Variants in HYKK observed in about 807,000 individuals in gnomAD.
HYKK encodes the protein 5-hydroxy-L-lysine kinase.
In HYKK, 19 loss-of-function variants were observed where a neutral mutation model predicts 29.7. That is an observed-to-expected ratio of 0.64 (90% CI 0.45 to 0.94). The LOEUF (loss-of-function observed/expected upper bound fraction) is 0.94. Ranked by LOEUF, HYKK falls within the 40% of genes least tolerant of loss-of-function variation. The probability of loss-of-function intolerance (pLI) is 0.00; values close to 1 mark genes in which losing one functional copy is unlikely to be tolerated. For missense variants in HYKK, 390 were observed against 443.4 expected, an observed-to-expected ratio of 0.88 and a Z score of 1.08; for synonymous variants, 152 against 158.1, an observed-to-expected ratio of 0.96 and a Z score of 0.29.
In HYKK at chr15:78,514,974, G is replaced by A; in HGVS notation, c.344G>A (p.Gly115Asp). The change falls in exon 3 of 5, where the codon GGC (glycine) becomes GAC (aspartate). Residue 115 changes from glycine (G) to aspartate (D), a missense_variant. Coordinates refer to ENST00000388988, the MANE Select transcript of HYKK (RefSeq NM_001013619.4). ...NTASLVSVDS[G>D]SEIKSYLVRL... is the part of the protein sequence containing the mutation. Reference sequence around the variant, plus strand: ...TTTTATTCCATCCATTTAGATAGTGGCTCTGAAATCAAAAGCTACTTGGTG... The same window carrying A: ...TTTTATTCCATCCATTTAGATAGTGACTCTGAAATCAAAAGCTACTTGGTG... 1 of 1,526,086 alleles carries A rather than the reference G, an allele frequency of 6.6e-7. No individual in the cohort carries two copies. Among genetic ancestry groups the A allele is most frequent in the Admixed American group, 1.9e-5 (1 of 52,662 alleles). The allele number at this position is 1,526,086 out of a possible 1,614,324, so 94.5% of individuals were successfully genotyped here.
At chr15:78,525,392 G>A (rs983898483) in intron 3 of HYKK, among the ~76,000 whole-genome samples, 2 of 151,612 alleles carry the variant, frequency 1.3e-5, no homozygotes, top group African/African-American at 2.4e-5. Context: ...TCCTGACCTC[G>A]TGATCTGCCC....
chr15:78,527,416 G>A lies in HYKK; in HGVS notation c.514G>A (p.Glu172Lys), dbSNP rs749949586. The A allele has an allele frequency of 1.9e-6, 3 of 1,613,992 alleles. No individual in the cohort carries two copies. The highest frequency in any genetic ancestry group is 1.1e-5 in the South Asian group (1 of 91,074). The change falls in exon 4 of 5, where the codon GAG becomes AAG. Residue 172 changes from glutamate to lysine, a missense_variant. Physicochemically the swap from Glu to Lys is moderately conservative, Grantham distance 56. Coordinates refer to ENST00000388988, the MANE Select transcript of HYKK (RefSeq NM_001013619.4). ...CCCAAAGTTAAGTAGTCTTCATCGG[G>A]AGAACTTCATCTGGAATCTGAAAAA... Reference protein sequence around the residue: ...HHPKLSSLHRENFIWNLKNVP... With the variant: ...HHPKLSSLHRKNFIWNLKNVP...
chr15:78,532,106 T>C (rs16969931), intron 4 of HYKK, among the ~76,000 whole-genome samples: 4,187 of 152,280 alleles, frequency 0.027, 199 homozygotes, highest in African/African-American at 0.094. Context: ...GTTGGTGGCT[T>C]AAATCCGTGC....
rs56976898 is a variant in HYKK, at chr15:78,528,367, T to C, written c.661+804T>C. On this transcript the variant is annotated intron_variant, in intron 4 of 4. Coordinates refer to ENST00000388988, the MANE Select transcript of HYKK (RefSeq NM_001013619.4). ...CTGTCCATGGAAAAATTGTCTTCCA[T>C]GAAACCAGTCCCTGATGCCAAAAAG... is the stretch of plus-strand genomic sequence containing the variant. 1.0e-2 allele frequency: 9,584 copies of C among 959,584 alleles called. 705 individuals are homozygous for C. The African/African-American group carries it at 0.15, about 15-fold the overall frequency. The allele number at this position is 959,584 out of a possible 1,614,324, so 59.4% of individuals were successfully genotyped here. A position where few individuals can be genotyped will look rare whatever the true frequency, so the allele number is the denominator to read the frequency against.
At position 78,527,525 on chromosome 15, in the gene HYKK, A is replaced by G. The variant is rs768049573; in HGVS notation, c.623A>G (p.Lys208Arg). The change falls in exon 4 of 5, where the codon AAG becomes AGG. Residue 208 changes from lysine (K) to arginine (R), a missense_variant. Lys to Arg is a conservative substitution (Grantham distance 26). Transcript: ENST00000388988. ...GTTGAGCATGTCATTCATCTGTTCA[A>G]GGAGGAAGTAATGACCAAATTAAGT... Reference protein sequence around the residue: ...EIVEHVIHLFKEEVMTKLSHF... With the variant: ...EIVEHVIHLFREEVMTKLSHF... 54 of 1,614,066 alleles carry G rather than the reference A, an allele frequency of 3.3e-5. No individual in the cohort carries two copies. The highest frequency in any genetic ancestry group is 4.3e-5 in the Non-Finnish European group (51 of 1,180,034).
chr15:78,523,776 A>C (rs1364207336), intron 3 of HYKK, among the ~76,000 whole-genome samples: 3 of 152,346 alleles, frequency 2.0e-5, no homozygotes, highest in Non-Finnish European at 4.4e-5. Flanking sequence ...AAATCAGCCA[A>C]AAGAAGGGAC....
rs768195905 is a variant in HYKK, at chr15:78,513,321, T to C, written c.233T>C (p.Ile78Thr). 7 of 1,614,050 alleles carry C rather than the reference T, an allele frequency of 4.3e-6. No individual in the cohort carries two copies. The highest frequency in any genetic ancestry group is 1.7e-5 in the Admixed American group (1 of 59,992). The change falls in exon 2 of 5, where the codon ATT becomes ACT. Residue 78 changes from isoleucine (I) to threonine (T), a missense_variant. By Grantham distance (89) the Ile-to-Thr change is moderately conservative. Transcript: ENST00000388988. ...AAGGCTAGCAAAAATCCAGACCTGA[T>C]TGAAGTGCAGAATCACATCATCATG... ...NTKASKNPDL[I>T]EVQNHIIMFL...
chr15:78,520,411 G>T (rs1486922092), intron 3 of HYKK, among the ~76,000 whole-genome samples: 1 of 152,068 alleles, frequency 6.6e-6, no homozygotes, highest in Admixed American at 6.6e-5. Flanking sequence ...GTGTCCCTGG[G>T]TACTTAAGAT....
At chr15:78,524,078 G>A (rs1810435482) in intron 3 of HYKK, among the ~76,000 whole-genome samples, 1 of 152,238 alleles carries the variant, frequency 6.6e-6, no homozygotes, top group African/African-American at 2.4e-5. Context: ...AGCTTCACTA[G>A]GCAGTACCCC....
chr15:78,529,633 C>G (rs981556469), intron 4 of HYKK, among the ~76,000 whole-genome samples: 1 of 152,186 alleles, frequency 6.6e-6, no homozygotes, highest in Admixed American at 6.5e-5. Flanking sequence ...ATCCATCTCT[C>G]TATTTATTGG....
chr15:78,516,935 T>A (rs2052139474), intron 3 of HYKK, among the ~76,000 whole-genome samples: 1 of 151,564 alleles, frequency 6.6e-6, no homozygotes, highest in Non-Finnish European at 1.5e-5. Flanking sequence ...GGTGGGAGGA[T>A]CACCTGAGCC....
chr15:78,510,915 A>G (rs938127319), intron 1 of HYKK, among the ~76,000 whole-genome samples: 32 of 151,370 alleles, frequency 2.1e-4, no homozygotes, highest in African/African-American at 7.8e-4. Flanking sequence ...GTCAGAAGCA[A>G]TACATCTTCC....
chr15:78,518,052 A>C (rs1412857146), intron 3 of HYKK, among the ~76,000 whole-genome samples: 1 of 151,972 alleles, frequency 6.6e-6, no homozygotes, highest in Non-Finnish European at 1.5e-5. Context: ...TGCAAACTCA[A>C]ACTCCTTTGG....
rs751668050 is a variant in HYKK, at chr15:78,527,578, A to C, written c.661+15A>C. 13 of 1,611,250 alleles carry C rather than the reference A, an allele frequency of 8.1e-6. No homozygotes were observed. The highest frequency in any genetic ancestry group is 6.7e-5 in the African/African-American group (5 of 74,876). ...TTTTCGAGAATGTGAGTATTCTCCC[A>C]ATTAAGTATTTTTCTTGATATTTAA... On this transcript the variant is annotated intron_variant, in intron 4 of 4. Transcript: ENST00000388988.
Position 78,513,166 on chromosome 15 carries a change from G to A in HYKK, c.78G>A (p.Val26=). 1 of 1,614,094 alleles carries A rather than the reference G, an allele frequency of 6.2e-7. No individual in the cohort carries two copies. The highest frequency in any genetic ancestry group is 8.5e-7 in the Non-Finnish European group (1 of 1,179,950). The stretch of plus-strand genomic sequence containing the variant: ...GTGAGGAACAAGCCTCTGCGTTAGT[G>A]GAGTCAGTGTTTGGGTTGAAAGTTT... The part of the protein sequence containing the change: ...TFSEEQASAL[V]ESVFGLKVSK... Residue 26 remains valine, a synonymous_variant, in exon 2 of 5, where the codon GTG becomes GTA. Transcript: ENST00000388988.
At chr15:78,519,912 C>G (rs1404504371) in intron 3 of HYKK, among the ~76,000 whole-genome samples, 2 of 152,198 alleles carry the variant, frequency 1.3e-5, no homozygotes, top group African/African-American at 4.8e-5. Context: ...TTCCTTCCGC[C>G]CTATCTGTGG....
chr15:78,522,988 A>G (rs959444778), intron 3 of HYKK, among the ~76,000 whole-genome samples: 3 of 152,202 alleles, frequency 2.0e-5, no homozygotes, highest in African/African-American at 7.2e-5. Flanking sequence ...CCCAGAGGTC[A>G]TAGTTGGAAC....
chr15:78,525,908 A>G (rs866344463), intron 3 of HYKK, among the ~76,000 whole-genome samples: 4 of 152,320 alleles, frequency 2.6e-5, no homozygotes, highest in South Asian at 4.1e-4. Context: ...GTTATGATGT[A>G]AAATATATTT....
rs1373794795 is a variant in HYKK at position 78,533,994 on chromosome 15, T to C, written c.*324T>C. ...CCCTGAGATTAATGACTATTTTAAT[T>C]TTAAAAATAATATATACATATAGAT... is the stretch of plus-strand genomic sequence containing the variant. On this transcript the variant is annotated 3_prime_UTR_variant, in exon 5 of 5. Coordinates refer to ENST00000388988, the MANE Select transcript of HYKK (RefSeq NM_001013619.4). 1 of 220,974 alleles carries C rather than the reference T, an allele frequency of 4.5e-6. No homozygotes were observed. The highest frequency in any genetic ancestry group is 8.9e-6 in the Non-Finnish European group (1 of 111,764). 13.7% of individuals were successfully genotyped at this position (220,974 alleles called of 1,614,324 possible). A position where few individuals can be genotyped will look rare whatever the true frequency, so the allele number is the denominator to read the frequency against.
Sources: allele counts gnomAD v4.1 joint callset (sites outside exome capture counted in the v4.1 genomes callset), GRCh38; gene constraint gnomAD v4.1.1; transcripts MANE v1.5; gene names NCBI Gene and HGNC (gene_info 2026-07-23, HGNC 2026-07-21).